ZNF804B: variants seen among roughly 807,000 people sequenced by gnomAD.
The protein encoded by ZNF804B is zinc finger 804B.
In ZNF804B, 80 loss-of-function variants were observed where a neutral mutation model predicts 101.4. The ratio of observed to expected loss-of-function variants is 0.79; its 90% CI spans 0.66 to 0.95. ZNF804B has a LOEUF of 0.95. ZNF804B is among the 40% of genes least tolerant of loss of function. The probability of loss-of-function intolerance (pLI) is 0.00; values close to 1 mark genes in which losing one functional copy is unlikely to be tolerated. For missense variants in ZNF804B, 1,673 were observed against 1,561.9 expected (o/e 1.07, Z -1.20); for synonymous variants, 622 against 558.8 (o/e 1.11, Z -1.59).
intron 1 of ZNF804B, among the ~76,000 whole-genome samples, chr7:89,025,850 T>C (rs1303900405): frequency 6.6e-6 from 1 of 152,158 alleles, no homozygotes; most frequent in Non-Finnish European, 1.5e-5. Flanking sequence ...TTTTTTACTC[T>C]ACTGAAATTA....
chr7:89,204,250 A>C (rs1051419532), intron 1 of ZNF804B, among the ~76,000 whole-genome samples: 5 of 152,202 alleles, frequency 3.3e-5, no homozygotes, highest in African/African-American at 1.2e-4. Context: ...GCTAAACGAA[A>C]GTACTTCCTG....
chr7:89,089,303 G>A (rs1296157218), intron 1 of ZNF804B, among the ~76,000 whole-genome samples: 1 of 151,662 alleles, frequency 6.6e-6, no homozygotes, highest in Admixed American at 6.6e-5. Context: ...TCATTATGTT[G>A]TATTTGTTAC....
chr7:88,874,687 T>C (rs1328050493), intron 1 of ZNF804B, among the ~76,000 whole-genome samples: 4 of 152,174 alleles, frequency 2.6e-5, no homozygotes, highest in African/African-American at 9.7e-5. Flanking sequence ...TGAAGGGCTG[T>C]TGAATTTTGT....
Position 89,041,643 on chromosome 7 carries a change from G to A in ZNF804B, c.109-176512G>A, listed in dbSNP as rs958608863. ...GGACACTGGGATTTGGTGGGATGGG[G>A]CTGGTGTCGAAGTTTGTGGTAACAT... On this transcript the variant is annotated intron_variant, in intron 1 of 3. Coordinates refer to ENST00000333190, the MANE Select transcript of ZNF804B (RefSeq NM_181646.5). Among the ~76,000 whole-genome samples, 19 of 152,182 alleles carry A rather than the reference G, an allele frequency of 1.2e-4. 1 individual carries two copies. The highest frequency in any genetic ancestry group is 1.5e-5 in the Non-Finnish European group (1 of 68,036).
intron 1 of ZNF804B, among the ~76,000 whole-genome samples, chr7:89,069,692 C>T (rs1040921221): frequency 6.6e-6 from 1 of 152,086 alleles, no homozygotes; most frequent in Non-Finnish European, 1.5e-5. Flanking sequence ...TCTATATTTA[C>T]ACTTTTGGAA....
chr7:89,317,745 T>C (rs1790755833), intron 2 of ZNF804B, among the ~76,000 whole-genome samples: 1 of 152,210 alleles, frequency 6.6e-6, no homozygotes, highest in East Asian at 1.9e-4. Context: ...TACTGATCCA[T>C]ATGCCACAAT....
chr7:88,874,525 G>GAGA (rs1300362573), intron 1 of ZNF804B, among the ~76,000 whole-genome samples: 1 of 152,052 alleles, frequency 6.6e-6, no homozygotes, highest in Non-Finnish European at 1.5e-5. Context: ...GGAGTGGTGA[G>GAGA]AGAGAGCATC....
At chr7:89,031,002 A>C in intron 1 of ZNF804B, among the ~76,000 whole-genome samples, 2 of 150,856 alleles carry the variant, frequency 1.3e-5, no homozygotes. Flanking sequence ...ACCCTGCATT[A>C]CACACTGGGG....
At chr7:88,792,003 T>C (rs1035459238) in intron 1 of ZNF804B, among the ~76,000 whole-genome samples, 2 of 152,040 alleles carry the variant, frequency 1.3e-5, no homozygotes, top group Non-Finnish European at 1.5e-5. Context: ...TAGTGGATGA[T>C]AGGGGCTGTT....
At chr7:88,974,827 A>G (rs1793592273) in intron 1 of ZNF804B, among the ~76,000 whole-genome samples, 1 of 151,364 alleles carries the variant, frequency 6.6e-6, no homozygotes, top group South Asian at 2.1e-4. Context: ...AAAATGTATA[A>G]TAAATTATTG....
intron 1 of ZNF804B, among the ~76,000 whole-genome samples, chr7:88,925,592 G>C (rs1461957543): frequency 6.6e-6 from 1 of 152,134 alleles, no homozygotes; most frequent in East Asian, 1.9e-4. Context: ...AGATAAACCT[G>C]TTGACAGCTT....
At chr7:88,775,360 A>C (rs1420881174) in intron 1 of ZNF804B, among the ~76,000 whole-genome samples, 3 of 152,198 alleles carry the variant, frequency 2.0e-5, no homozygotes, top group Non-Finnish European at 4.4e-5. Flanking sequence ...GCAAAGGCTG[A>C]TAGGTGAGGA....
chr7:89,181,460 G>A (rs1465013099), intron 1 of ZNF804B, among the ~76,000 whole-genome samples: 4 of 152,134 alleles, frequency 2.6e-5, no homozygotes, highest in Non-Finnish European at 4.4e-5. Context: ...TGTTGCTTGC[G>A]CTATAATAGA....
rs183266294 is a variant in ZNF804B at position 88,912,915 on chromosome 7, A to G, written c.108+152831A>G. ...TCTAATAGGAGTGTTACATGGAACA[A>G]CTAAAGAAAACTAGAAAAGGAAAGA... On this transcript the variant is annotated intron_variant, in intron 1 of 3. Coordinates refer to ENST00000333190, the MANE Select transcript of ZNF804B (RefSeq NM_181646.5). 5.0e-3 allele frequency among the ~76,000 whole-genome samples: 763 copies of G among 152,334 alleles called. 29 individuals are homozygous for G. Among genetic ancestry groups the G allele is most frequent in the Admixed American group, 0.045 (693 of 15,294 alleles).
At chr7:89,028,372 G>T (rs1301997284) in intron 1 of ZNF804B, among the ~76,000 whole-genome samples, 1 of 152,078 alleles carries the variant, frequency 6.6e-6, no homozygotes, top group African/African-American at 2.4e-5. Context: ...ATGGCATTGA[G>T]GAGAAAGCTC....
At chr7:89,084,901 A>G (rs934835573) in intron 1 of ZNF804B, among the ~76,000 whole-genome samples, 3 of 151,986 alleles carry the variant, frequency 2.0e-5, no homozygotes, top group Non-Finnish European at 4.4e-5. Context: ...TCTAATAAGT[A>G]AAAATACTAT....
chr7:88,854,527 T>TTTCCTTTCCTTCCCTTCCTTCCTTCC (rs1791519535), intron 1 of ZNF804B, among the ~76,000 whole-genome samples: 5 of 40,078 alleles, frequency 1.2e-4, no homozygotes, highest in East Asian at 2.1e-3. Flanking sequence ...CTTTCCTTCC[T>TTTCCTTTCCTTCCCTTCCTTCCTTCC]TTCCTTCCTT....
chr7:89,174,912 C>T (rs1029576142), intron 1 of ZNF804B, among the ~76,000 whole-genome samples: 13 of 152,072 alleles, frequency 8.5e-5, no homozygotes, highest in Non-Finnish European at 1.8e-4. Context: ...AATGTCTATT[C>T]AGATATTTTG....
chr7:89,205,239 G>A (rs528431204), intron 1 of ZNF804B, among the ~76,000 whole-genome samples: 1 of 152,080 alleles, frequency 6.6e-6, no homozygotes, highest in South Asian at 2.1e-4. Context: ...GGTGAGATTT[G>A]GGTGGGGACA....
Sources: allele counts gnomAD v4.1 joint callset (sites outside exome capture counted in the v4.1 genomes callset), GRCh38; gene constraint gnomAD v4.1.1; transcripts MANE v1.5; gene names NCBI Gene and HGNC (gene_info 2026-07-23, HGNC 2026-07-21).